Variants in ATP2B1 observed in about 807,000 individuals in gnomAD.
ATP2B1 encodes plasma membrane calcium-transporting ATPase 1.
ATP2B1 carries 14 observed loss-of-function variants against 124.2 expected under a neutral mutation model. The observed-to-expected ratio is 0.11, with a 90% CI of 0.07 to 0.18. The LOEUF is 0.18. ATP2B1 is among the 10% of genes least tolerant of loss of function. The probability of loss-of-function intolerance (pLI) is 1.00; values close to 1 mark genes in which losing one functional copy is unlikely to be tolerated. For missense variants in ATP2B1, 763 were observed against 1,466.1 expected, an observed-to-expected ratio of 0.52 and a Z score of 7.83; for synonymous variants, 449 against 492.4, an observed-to-expected ratio of 0.91 and a Z score of 1.17.
At chr12:89,621,951 T>TA (rs1257369497) in intron 9 of ATP2B1, among the ~76,000 whole-genome samples, 160 bp from the exon 10 acceptor site, 2 of 151,974 alleles carry the variant, frequency 1.3e-5, no homozygotes, top group African/African-American at 4.8e-5. Context: ...TTTTTTTTTT[T>TA]AGCATATTTG....
intron 1 of ATP2B1, among the ~76,000 whole-genome samples, chr12:89,694,105 C>T (rs542994336): frequency 6.6e-6 from 1 of 152,288 alleles, no homozygotes; most frequent in South Asian, 2.1e-4. Flanking sequence ...TACATTTCGT[C>T]CTTTTATACC....
At position 89,589,289 on chromosome 12, in the gene ATP2B1, T is replaced by G. The variant is rs1873137170; in HGVS notation, c.*1695A>C. The G allele has an allele frequency of 6.6e-6, 1 of 152,488 alleles. No homozygotes were observed. The highest frequency in any genetic ancestry group is 1.5e-5 in the Non-Finnish European group (1 of 67,990). 9.4% of individuals were successfully genotyped at this position (152,488 alleles called of 1,614,324 possible). On this transcript the variant is annotated 3_prime_UTR_variant, in exon 21 of 21. Transcript: ENST00000428670. ...TTTATGTCAGCCTGAGGATTGTGTA[T>G]CTGGTGAAATCTGGGCCCTAACACA...
At chr12:89,619,906 G>A in intron 11 of ATP2B1, 93 bp downstream of exon 11, 1 of 1,487,902 alleles carries the variant, frequency 6.7e-7, no homozygotes, top group African/African-American at 1.4e-5. Context: ...AATGCCTGAT[G>A]TTCACAAAAA....
intron 1 of ATP2B1, among the ~76,000 whole-genome samples, chr12:89,689,185 AC>A (rs1565918069): frequency 6.6e-6 from 1 of 152,100 alleles, no homozygotes; most frequent in African/African-American, 2.4e-5. Context: ...TAACAGGGCT[AC>A]AAAATAAAAT....
intron 15 of ATP2B1, among the ~76,000 whole-genome samples, chr12:89,609,393 A>G (rs1877567629): frequency 6.6e-6 from 1 of 152,206 alleles, no homozygotes; most frequent in Admixed American, 6.5e-5. Flanking sequence ...GAGAATTGTG[A>G]TTATGAACCA....
intron 12 of ATP2B1, among the ~76,000 whole-genome samples, chr12:89,614,501 C>A (rs1397489284): frequency 6.6e-6 from 1 of 152,190 alleles, no homozygotes; most frequent in African/African-American, 2.4e-5. Context: ...GTTTCTGGTT[C>A]TCTTATTACA....
At chr12:89,653,010 C>T (rs1417998094) in intron 2 of ATP2B1, among the ~76,000 whole-genome samples, 5 of 151,982 alleles carry the variant, frequency 3.3e-5, no homozygotes, top group South Asian at 2.1e-4. Context: ...ATTACAGGTG[C>T]GAGCCACTGC....
At chr12:89,690,435 T>C (rs1890434865) in intron 1 of ATP2B1, among the ~76,000 whole-genome samples, 1 of 151,950 alleles carries the variant, frequency 6.6e-6, no homozygotes. Flanking sequence ...GTAAAAATTA[T>C]ATCACAAATA....
chr12:89,666,119 T>C (rs970082210), intron 1 of ATP2B1, among the ~76,000 whole-genome samples: 10 of 152,208 alleles, frequency 6.6e-5, no homozygotes, highest in Non-Finnish European at 1.3e-4. Context: ...GTTCAGTAAA[T>C]CAATACTCAC....
intron 13 of ATP2B1, chr12:89,610,740 ATGCATAC>A (rs1242472712): frequency 2.1e-6 from 1 of 469,690 alleles, no homozygotes; most frequent in African/African-American, 2.0e-5. Flanking sequence ...GGTGACTTTG[ATGCATAC>A]TCAAGTTTAA....
At chr12:89,617,162 T>C (rs954137173) in intron 11 of ATP2B1, 123 bp from the exon 12 acceptor site, 10 of 724,124 alleles carry the variant, frequency 1.4e-5, no homozygotes, top group Non-Finnish European at 2.3e-5. Flanking sequence ...GAATTACATA[T>C]AATTCATTTT....
intron 1 of ATP2B1, among the ~76,000 whole-genome samples, chr12:89,703,257 G>A (rs983065526): frequency 6.6e-6 from 1 of 152,178 alleles, no homozygotes; most frequent in Admixed American, 6.5e-5. Context: ...AATTCACGTG[G>A]ATATGGTATT....
At chr12:89,628,988 T>TA (rs571489853) in intron 6 of ATP2B1, among the ~76,000 whole-genome samples, 29 of 148,746 alleles carry the variant, frequency 1.9e-4, no homozygotes, top group Middle Eastern at 3.2e-3. Flanking sequence ...CCCTGTTCTT[T>TA]AAAAAAAAAA....
intron 1 of ATP2B1, among the ~76,000 whole-genome samples, chr12:89,700,656 T>C (rs1298763953): frequency 1.3e-5 from 2 of 152,194 alleles, no homozygotes. Context: ...CTTTTGCTGA[T>C]TCCATTCATC....
intron 2 of ATP2B1, among the ~76,000 whole-genome samples, chr12:89,643,288 T>C (rs1169152318): frequency 6.6e-6 from 1 of 151,840 alleles, no homozygotes; most frequent in Non-Finnish European, 1.5e-5. Context: ...GGTTCAGTTA[T>C]ATAGATATAG....
intron 15 of ATP2B1, among the ~76,000 whole-genome samples, chr12:89,607,983 T>C (rs1033434490): frequency 6.6e-6 from 1 of 151,756 alleles, no homozygotes; most frequent in African/African-American, 2.4e-5. Context: ...TGCCTGAAAA[T>C]AGGAGATACA....
intron 1 of ATP2B1, among the ~76,000 whole-genome samples, chr12:89,684,557 T>C (rs1395511238): frequency 6.6e-6 from 1 of 152,112 alleles, no homozygotes; most frequent in Non-Finnish European, 1.5e-5. Flanking sequence ...CAAGAACCTC[T>C]GAAGGATTAG....
intron 20 of ATP2B1, among the ~76,000 whole-genome samples, chr12:89,597,906 TTTC>T (rs761887449): frequency 2.6e-5 from 4 of 151,850 alleles, no homozygotes; most frequent in African/African-American, 4.8e-5. Flanking sequence ...TAACAGAACA[TTTC>T]TTATCTATGA....
At chr12:89,623,895 T>C (rs567331313) in intron 9 of ATP2B1, among the ~76,000 whole-genome samples, 69 of 152,362 alleles carry the variant, frequency 4.5e-4, no homozygotes, top group African/African-American at 1.7e-3. Context: ...GTGACATGAC[T>C]TGACAATATA....
Sources: gnomAD v4.1 joint callset for allele counts (sites outside exome capture counted in the v4.1 genomes callset) on GRCh38, gnomAD v4.1.1 for gene constraint, MANE v1.5 for transcripts, NCBI Gene and HGNC (gene_info 2026-07-23, HGNC 2026-07-21) for gene names.